PAK3: variants seen among roughly 807,000 people sequenced by gnomAD.
The protein encoded by PAK3 is serine/threonine-protein kinase PAK 3.
A neutral mutation model predicts 41.0 loss-of-function variants in PAK3; 4 were observed. That is an observed-to-expected ratio of 0.10 (90% CI 0.05 to 0.22). The LOEUF (loss-of-function observed/expected upper bound fraction) is 0.22. Ranked by LOEUF, PAK3 falls within the 10% of genes least tolerant of loss-of-function variation. The pLI, the probability that PAK3 is intolerant of heterozygous loss-of-function variation, is 1.00. For missense variants in PAK3, 205 were observed against 409.9 expected (o/e 0.50, Z 4.32); for synonymous variants, 146 against 139.6 (o/e 1.05, Z -0.32).
Position 111,222,902 on chromosome X carries a change from A to G in PAK3, c.*2455A>G, listed in dbSNP as rs2094935275. The G allele has an allele frequency of 9.0e-6, 1 of 111,517 alleles. No homozygotes were observed. Among genetic ancestry groups the G allele is most frequent in the African/African-American group, 3.3e-5 (1 of 30,677 alleles). 9.2% of individuals were successfully genotyped at this position (111,517 alleles called of 1,213,427 possible). A position where few individuals can be genotyped will look rare whatever the true frequency, so the allele number is the denominator to read the frequency against. On this transcript the variant is annotated 3_prime_UTR_variant, in exon 18 of 18. Coordinates refer to ENST00000372007, the MANE Select transcript of PAK3 (RefSeq NM_002578.5). ...ACTTCTTTACTACCACTTTGTACCA[A>G]GATTTGATAATAATATATCCCAGGA...
At chrX:111,161,756 G>A (rs1487700496) in intron 8 of PAK3, among the ~76,000 whole-genome samples, 3 of 110,968 alleles carry the variant, frequency 2.7e-5, no homozygotes, top group African/African-American at 1.0e-4. Context: ...TTGTCAGTTT[G>A]TCAAAGATCA....
intron 5 of PAK3, among the ~76,000 whole-genome samples, chrX:111,127,477 G>A (rs2093663135): frequency 9.0e-6 from 1 of 111,151 alleles, no homozygotes; most frequent in African/African-American, 3.3e-5. Flanking sequence ...GTAATTTCAA[G>A]ATTGAGGATT....
At chrX:111,083,981 T>C (rs1603155631) in intron 1 of PAK3, among the ~76,000 whole-genome samples, 1 of 112,962 alleles carries the variant, frequency 8.9e-6, no homozygotes, top group African/African-American at 3.2e-5. Flanking sequence ...ATTTAGTTTA[T>C]GGACAGTCAA....
chrX:111,074,817 G>T (rs965081621), intron 1 of PAK3, among the ~76,000 whole-genome samples: 3 of 112,006 alleles, frequency 2.7e-5, no homozygotes, highest in Non-Finnish European at 5.6e-5. Flanking sequence ...TGAAGTCCAG[G>T]CTGATGAGGT....
chrX:111,119,349 A>G (rs1168343233), intron 4 of PAK3, among the ~76,000 whole-genome samples: 2 of 112,006 alleles, frequency 1.8e-5, no homozygotes, highest in Non-Finnish European at 3.8e-5. Flanking sequence ...GATATAAACC[A>G]TTGCTGGTTA....
chrX:111,083,722 T>C (rs982841259), intron 1 of PAK3, among the ~76,000 whole-genome samples: 2 of 112,746 alleles, frequency 1.8e-5, no homozygotes, highest in African/African-American at 6.4e-5. Context: ...TAAGACATTG[T>C]CTCTGAATGT....
At chrX:111,022,403 C>T (rs943198593) in intron 1 of PAK3, among the ~76,000 whole-genome samples, 2 of 111,519 alleles carry the variant, frequency 1.8e-5, no homozygotes, top group African/African-American at 6.5e-5. Flanking sequence ...AATTATCAGC[C>T]AAGAATTTTG....
chrX:111,107,970 T>C (rs1334127884), intron 4 of PAK3, among the ~76,000 whole-genome samples: 1 of 111,930 alleles, frequency 8.9e-6, no homozygotes, highest in African/African-American at 3.3e-5. Context: ...AGGCCCCACA[T>C]AGAGCTAGGC....
At chrX:111,113,742 A>G (rs1039725319) in intron 4 of PAK3, among the ~76,000 whole-genome samples, 1 of 110,661 alleles carries the variant, frequency 9.0e-6, no homozygotes, top group East Asian at 2.9e-4. Context: ...TACATTAGGT[A>G]TATCTCCTAA....
At chrX:111,139,118 T>A (rs755575503) in intron 5 of PAK3, among the ~76,000 whole-genome samples, 2 of 111,444 alleles carry the variant, frequency 1.8e-5, no homozygotes, top group Non-Finnish European at 1.9e-5. Context: ...CTAAGTTAGT[T>A]ATTTGTGGGG....
chrX:111,164,251 C>T (rs1418868300), intron 10 of PAK3, among the ~76,000 whole-genome samples: 5 of 110,941 alleles, frequency 4.5e-5, no homozygotes, highest in African/African-American at 1.6e-4. Flanking sequence ...ACACTTGTTG[C>T]CCCAGTTTTA....
chrX:111,064,800 G>A (rs1207177807), intron 1 of PAK3, among the ~76,000 whole-genome samples: 1 of 112,099 alleles, frequency 8.9e-6, no homozygotes, highest in Non-Finnish European at 1.9e-5. Context: ...TTTTCTTTTG[G>A]ATATATACCC....
chrX:111,197,970 C>T (rs1603379934), intron 16 of PAK3, among the ~76,000 whole-genome samples: 1 of 112,494 alleles, frequency 8.9e-6, no homozygotes, highest in African/African-American at 3.2e-5. Flanking sequence ...GCTTGGATTA[C>T]AGGCATGAGC....
At chrX:111,208,015 G>A (rs1159284637) in intron 16 of PAK3, among the ~76,000 whole-genome samples, 3 of 112,330 alleles carry the variant, frequency 2.7e-5, no homozygotes, top group Non-Finnish European at 5.6e-5. Context: ...GGCTGGTCTC[G>A]AACTCCTGAC....
rs1273290384 is a variant in PAK3 at position 111,226,561 on chromosome X, G to T, written c.*6114G>T. On this transcript the variant is annotated 3_prime_UTR_variant, in exon 18 of 18. Coordinates refer to ENST00000372007, the MANE Select transcript of PAK3 (RefSeq NM_002578.5). ...CCTAAACACTTACAAGTTGCAGAGA[G>T]AAATGAAAAAGTAATTACATGCTAT... 8.9e-6 allele frequency: 1 copy of T among 112,396 alleles called. No individual in the cohort carries two copies. Among genetic ancestry groups the T allele is most frequent in the African/African-American group, 3.2e-5 (1 of 30,917 alleles). 9.3% of individuals were successfully genotyped at this position (112,396 alleles called of 1,213,427 possible).
rs1206315228 is a variant in PAK3 at position 111,163,647 on chromosome X, A to G, written c.686A>G (p.Asn229Ser). Reference sequence around the variant, plus strand: ...ACACCACCCTCTGCTGAAAATGCCAATTCCAGTACTTTGTACAGGAACACA... The same window carrying G: ...ACACCACCCTCTGCTGAAAATGCCAGTTCCAGTACTTTGTACAGGAACACA... ...EVTPPSAENA[N>S]SSTLYRNTDR... Residue 229 changes from asparagine to serine, a missense_variant, in exon 10 of 18, where the codon AAT (asparagine) becomes AGT (serine). Physicochemically the swap from Asn to Ser is conservative, Grantham distance 46. This residue lies in a region of PAK3 where 75 missense variants were observed against 91.9 expected (regional missense o/e 0.82). Coordinates refer to ENST00000372007, the MANE Select transcript of PAK3 (RefSeq NM_002578.5). 4 of 1,195,992 alleles carry G rather than the reference A, an allele frequency of 3.3e-6. No homozygotes were observed. The East Asian group carries it at 8.9e-5, about 27-fold the overall frequency.
At chrX:111,022,461 T>C (rs2092200607) in intron 1 of PAK3, among the ~76,000 whole-genome samples, 1 of 111,690 alleles carries the variant, frequency 9.0e-6, no homozygotes, top group South Asian at 3.8e-4. Flanking sequence ...CACAGTCTTT[T>C]CCAGACAAAC....
intron 1 of PAK3, among the ~76,000 whole-genome samples, chrX:111,010,523 C>G (rs1242995354): frequency 9.0e-6 from 1 of 111,656 alleles, no homozygotes; most frequent in African/African-American, 3.3e-5. Context: ...ATCACTGGGG[C>G]AGATTCCTCA....
intron 1 of PAK3, among the ~76,000 whole-genome samples, chrX:110,961,793 A>G (rs1435561204): frequency 8.9e-6 from 1 of 111,864 alleles, no homozygotes; most frequent in African/African-American, 3.2e-5. Flanking sequence ...GTTTCATGAA[A>G]CACATTTTGC....
Sources: allele counts gnomAD v4.1 joint callset (sites outside exome capture counted in the v4.1 genomes callset), GRCh38; gene constraint gnomAD v4.1.1; regional missense constraint gnomAD v4.1.1; transcripts MANE v1.5; gene names NCBI Gene and HGNC (gene_info 2026-07-23, HGNC 2026-07-21).